The following STARD13 variants were observed in gnomAD, a reference collection of about 807,000 sequenced individuals.
STARD13 encodes StAR related lipid transfer domain containing 13, also known as stAR-related lipid transfer protein 13.
A neutral mutation model predicts 106.4 loss-of-function variants in STARD13; 62 were observed. That is an observed-to-expected ratio of 0.58 (90% CI 0.48 to 0.72). The LOEUF (loss-of-function observed/expected upper bound fraction) is 0.72. Among genes scored for constraint, STARD13 ranks in the 30% least tolerant of loss-of-function variants. The pLI, the probability that STARD13 is intolerant of heterozygous loss-of-function variation, is 0.00. For synonymous variants in STARD13, 565 were observed against 553.0 expected, an observed-to-expected ratio of 1.02 and a Z score of -0.31; for missense variants, 1,387 against 1,424.0, an observed-to-expected ratio of 0.97 and a Z score of 0.42.
At chr13:33,539,724 C>T in the STARD13 span, among the ~76,000 whole-genome samples, 3 of 152,068 alleles carry the variant, frequency 2.0e-5, no homozygotes, top group East Asian at 1.9e-4. Context: ...TTAAGTGGAT[C>T]GTAAACATAA....
the STARD13 span, among the ~76,000 whole-genome samples, chr13:33,489,960 G>A: frequency 2.0e-5 from 3 of 152,098 alleles, no homozygotes; most frequent in Non-Finnish European, 2.9e-5. Context: ...CAAATGGATC[G>A]ATAACCTTGA....
chr13:33,304,830 C>A (rs1892847511), intron 1 of STARD13, among the ~76,000 whole-genome samples: 2 of 152,080 alleles, frequency 1.3e-5, no homozygotes, highest in Admixed American at 6.6e-5. Flanking sequence ...TCTATATAGG[C>A]TAAAAAGGAA....
At chr13:33,258,939 A>G (rs1251465524) in intron 1 of STARD13, among the ~76,000 whole-genome samples, 1 of 152,224 alleles carries the variant, frequency 6.6e-6, no homozygotes, top group Non-Finnish European at 1.5e-5. Context: ...GGAAAACAAC[A>G]TCTTTCTGTT....
chr13:33,202,537 T>C (rs1006165329), intron 1 of STARD13, among the ~76,000 whole-genome samples: 7 of 152,186 alleles, frequency 4.6e-5, no homozygotes, highest in Non-Finnish European at 7.3e-5. Context: ...ACCTGGCCTG[T>C]CTTTGCGGAG....
chr13:33,371,786 A>G, the STARD13 span, among the ~76,000 whole-genome samples: 2 of 152,222 alleles, frequency 1.3e-5, no homozygotes. Flanking sequence ...TTTTATACCT[A>G]ATGCATGAAC....
the STARD13 span, among the ~76,000 whole-genome samples, chr13:33,638,207 A>G: frequency 2.0e-5 from 3 of 152,212 alleles, no homozygotes; most frequent in African/African-American, 7.2e-5. Flanking sequence ...TCCTGAGGAC[A>G]TGTACCCAGG....
chr13:33,258,144 C>A (rs1890459524), intron 1 of STARD13, among the ~76,000 whole-genome samples: 1 of 152,206 alleles, frequency 6.6e-6, no homozygotes, highest in African/African-American at 2.4e-5. Flanking sequence ...TGCAAATCTC[C>A]TTCTAGCTAC....
the STARD13 span, among the ~76,000 whole-genome samples, chr13:33,660,478 C>G: frequency 6.6e-6 from 1 of 152,106 alleles, no homozygotes; most frequent in Non-Finnish European, 1.5e-5. Flanking sequence ...CAGGTGCAGA[C>G]CATTGGTGAA....
At chr13:33,247,979 G>A (rs1156838296) in intron 1 of STARD13, among the ~76,000 whole-genome samples, 1 of 152,168 alleles carries the variant, frequency 6.6e-6, no homozygotes, top group African/African-American at 2.4e-5. Flanking sequence ...CTTCTGGGGG[G>A]TCCTTATATA....
At chr13:33,549,072 C>T in the STARD13 span, among the ~76,000 whole-genome samples, 2,221 of 151,884 alleles carry the variant, frequency 0.015, 48 homozygotes, top group African/African-American at 0.05. Flanking sequence ...CAAATAAGTT[C>T]GAGAAAATGT....
At chr13:33,262,407 G>A (rs891753215) in intron 1 of STARD13, among the ~76,000 whole-genome samples, 3 of 152,156 alleles carry the variant, frequency 2.0e-5, no homozygotes, top group Non-Finnish European at 4.4e-5. Context: ...GCCCTGTGCT[G>A]CAGCTGCACT....
the STARD13 span, among the ~76,000 whole-genome samples, chr13:33,639,631 T>C: frequency 6.6e-6 from 1 of 152,246 alleles, no homozygotes; most frequent in East Asian, 1.9e-4. Context: ...GGTTTCTCTG[T>C]ATGTAGTGAA....
chr13:33,564,220 A>G, the STARD13 span, among the ~76,000 whole-genome samples: 1 of 145,022 alleles, frequency 6.9e-6, no homozygotes, highest in Non-Finnish European at 1.5e-5. Flanking sequence ...AAAAAAAAAA[A>G]AAAAAAAGAA....
chr13:33,536,133 A>C, the STARD13 span, among the ~76,000 whole-genome samples: 3 of 152,222 alleles, frequency 2.0e-5, no homozygotes, highest in Non-Finnish European at 4.4e-5. Flanking sequence ...TCAGTGATAC[A>C]GTTAAGAGTA....
At chr13:33,396,635 A>G in the STARD13 span, among the ~76,000 whole-genome samples, 27 of 152,192 alleles carry the variant, frequency 1.8e-4, no homozygotes, top group African/African-American at 4.3e-4. Context: ...CTTAAAGCCA[A>G]TGATTTTTAA....
the STARD13 span, among the ~76,000 whole-genome samples, chr13:33,366,925 C>CT: frequency 6.6e-6 from 1 of 152,140 alleles, no homozygotes; most frequent in Admixed American, 6.5e-5. The surrounding 1 kb of genome is among the most constrained non-coding windows in gnomAD (Gnocchi z 4.2). Context: ...CTTATGAAAG[C>CT]TAACCTTTTG....
chr13:33,623,226 A>G, the STARD13 span, among the ~76,000 whole-genome samples: 1 of 152,258 alleles, frequency 6.6e-6, no homozygotes, highest in African/African-American at 2.4e-5. Flanking sequence ...CTTGAAAATG[A>G]GATATAAAAT....
chr13:33,513,774 A>G, the STARD13 span, among the ~76,000 whole-genome samples: 1 of 152,222 alleles, frequency 6.6e-6, no homozygotes, highest in East Asian at 1.9e-4. Flanking sequence ...TGAGCTTCTG[A>G]GCAGATTTTT....
At chr13:33,393,173 C>G in the STARD13 span, among the ~76,000 whole-genome samples, 1 of 152,160 alleles carries the variant, frequency 6.6e-6, no homozygotes, top group Non-Finnish European at 1.5e-5. Context: ...CTTACACAAG[C>G]CACTACTGCA....
Sources: gnomAD v4.1 joint callset for allele counts (sites outside exome capture counted in the v4.1 genomes callset) on GRCh38, gnomAD v4.1.1 for gene constraint, Gnocchi (gnomAD v3.1) non-coding constraint, MANE v1.5 for transcripts, NCBI Gene and HGNC (gene_info 2026-07-23, HGNC 2026-07-21) for gene names.